CEP43: variants seen among roughly 807,000 people sequenced by gnomAD.
CEP43 encodes the protein centrosomal protein 43.
In CEP43, 36 loss-of-function variants were observed where a neutral mutation model predicts 52.6. The observed-to-expected ratio is 0.68, with a 90% CI of 0.52 to 0.90. The LOEUF is 0.90. Ranked by LOEUF, CEP43 falls within the 40% of genes least tolerant of loss-of-function variation. The pLI is 0.00. For synonymous variants in CEP43, 192 were observed against 172.4 expected (o/e 1.11, Z -0.89); for missense variants, 506 against 472.8 (o/e 1.07, Z -0.65).
In CEP43 at chr6:167,048,042, A is replaced by G. The variant is rs1401423535; in HGVS notation, c.*8064A>G. The G allele has an allele frequency of 1.3e-5, 2 of 152,218 alleles. No individual in the cohort carries two copies. Among genetic ancestry groups the G allele is most frequent in the Non-Finnish European group, 2.9e-5 (2 of 68,040 alleles). 9.4% of individuals were successfully genotyped at this position (152,218 alleles called of 1,614,324 possible). A position where few individuals can be genotyped will look rare whatever the true frequency, so the allele number is the denominator to read the frequency against. On this transcript the variant is annotated 3_prime_UTR_variant, in exon 13 of 13. Coordinates refer to ENST00000366847, the MANE Select transcript of CEP43 (RefSeq NM_007045.4). ...AGCATCTTTATTTAGCTCTGCTTTT[A>G]GATATCTGCATGATAAAGATGAGTG...
At chr6:167,024,718 C>T in intron 8 of CEP43, 64 bp from the exon 9 acceptor site, 2 of 1,074,222 alleles carry the variant, frequency 1.9e-6, no homozygotes, top group Non-Finnish European at 1.4e-6. Flanking sequence ...GTTTCTGTGG[C>T]AGAATAAAAG....
Position 166,999,420 on chromosome 6 carries a change from C to T in CEP43, c.8C>T (p.Ala3Val), listed in dbSNP as rs1779670932. 5 of 1,472,972 alleles carry T rather than the reference C, an allele frequency of 3.4e-6. No homozygotes were observed. Among genetic ancestry groups the T allele is most frequent in the Admixed American group, 4.8e-5 (2 of 41,250 alleles). 91.2% of individuals were successfully genotyped at this position (1,472,972 alleles called of 1,614,324 possible). MA[A>V]TAAAVVAEED... Reference sequence around the variant, plus strand: ...TTGTCTTGGAGAAGCAAGATGGCGGCGACGGCGGCCGCAGTGGTGGCCGAG... The same window carrying T: ...TTGTCTTGGAGAAGCAAGATGGCGGTGACGGCGGCCGCAGTGGTGGCCGAG... The change falls in exon 1 of 13, where the codon GCG becomes GTG. Residue 3 changes from alanine to valine, a missense_variant. Ala to Val is a moderately conservative substitution (Grantham distance 64). Coordinates refer to ENST00000366847, the MANE Select transcript of CEP43 (RefSeq NM_007045.4).
chr6:166,999,480 C>A lies in CEP43; in HGVS notation c.68C>A (p.Thr23Lys). ...GAGCTGCGGGACCTGCTGGTGCAGA[C>A]GCTGGAGAACAGCGGGGTCCTGAAC... ...DTELRDLLVQTLENSGVLNRI... is the reference protein window; with the variant it reads ...DTELRDLLVQKLENSGVLNRI... The change falls in exon 1 of 13, where the codon ACG becomes AAG. Residue 23 changes from threonine (T) to lysine (K), a missense_variant. Physicochemically the swap from Thr to Lys is moderately conservative, Grantham distance 78. Transcript: ENST00000366847. 1 of 1,483,694 alleles carries A rather than the reference C, an allele frequency of 6.7e-7. No homozygotes were observed. Among genetic ancestry groups the A allele is most frequent in the Non-Finnish European group, 9.0e-7 (1 of 1,114,936 alleles). The allele number at this position is 1,483,694 out of a possible 1,614,324, so 91.9% of individuals were successfully genotyped here. A position where few individuals can be genotyped will look rare whatever the true frequency, so the allele number is the denominator to read the frequency against.
chr6:167,031,442 A>G (rs911232504), intron 10 of CEP43, among the ~76,000 whole-genome samples: 1 of 152,228 alleles, frequency 6.6e-6, no homozygotes, highest in Non-Finnish European at 1.5e-5. Flanking sequence ...ATACCATCTT[A>G]GTCATTGCTA....
rs1266457199 is a variant in CEP43, at chr6:167,050,372, T to C, written c.*10394T>C. 1 of 152,306 alleles carries C rather than the reference T, an allele frequency of 6.6e-6. No individual in the cohort carries two copies. Among genetic ancestry groups the C allele is most frequent in the East Asian group, 1.9e-4 (1 of 5,202 alleles). 9.4% of individuals were successfully genotyped at this position (152,306 alleles called of 1,614,324 possible). ...TTACCAAGCTGCGGCTATTTCTTCATAGCAGTGTGAGAACGGACTAATACA... is the reference window on the plus strand; with the variant it reads ...TTACCAAGCTGCGGCTATTTCTTCACAGCAGTGTGAGAACGGACTAATACA... On this transcript the variant is annotated 3_prime_UTR_variant, in exon 13 of 13. Coordinates refer to ENST00000366847, the MANE Select transcript of CEP43 (RefSeq NM_007045.4).
At chr6:167,034,016 C>A in intron 12 of CEP43, 45 bp downstream of exon 12, 6 of 866,652 alleles carry the variant, frequency 6.9e-6, no homozygotes, top group Non-Finnish European at 9.0e-6. Flanking sequence ...TTTTTTTAAC[C>A]TATTTGTCGA....
intron 9 of CEP43, among the ~76,000 whole-genome samples, chr6:167,025,524 G>A (rs1029114496): frequency 1.3e-4 from 20 of 152,200 alleles, no homozygotes; most frequent in African/African-American, 4.8e-4. Context: ...TTTAATTAGC[G>A]TAGTGTTTCA....
At chr6:167,016,990 A>AT (rs60484474) in intron 7 of CEP43, among the ~76,000 whole-genome samples, 24 of 148,662 alleles carry the variant, frequency 1.6e-4, no homozygotes, top group Admixed American at 6.0e-4. Context: ...TTATTTATTT[A>AT]TTTTTTTTTT....
intron 7 of CEP43, 97 bp downstream of exon 7, chr6:167,013,664 C>A: frequency 1.0e-6 from 1 of 955,570 alleles, no homozygotes; most frequent in Non-Finnish European, 1.6e-6. Context: ...AGATTGGGTT[C>A]TCAGTTTTCT....
At chr6:167,021,964 C>T (rs1330023077) in intron 7 of CEP43, among the ~76,000 whole-genome samples, 1 of 152,188 alleles carries the variant, frequency 6.6e-6, no homozygotes, top group East Asian at 1.9e-4. Context: ...TTTCTTTTCT[C>T]CTTTAATAAT....
rs71032898 is a variant in CEP43, at chr6:167,043,375, CT to C, written c.*3419del. The C allele has an allele frequency of 0.45, 38,716 of 86,294 alleles. 7,273 individuals carry two copies. Among genetic ancestry groups the C allele is most frequent in the East Asian group, 0.54 (1,573 of 2,934 alleles). The allele number at this position is 86,294 out of a possible 1,614,324, so 5.3% of individuals were successfully genotyped here. The stretch of plus-strand genomic sequence containing the variant: ...TCCGTGCTCCCAGTGTCCCTGTCCT[CT>C]TTTTTTTTTTTTTTTTTTTTTGAGG... On this transcript the variant is annotated 3_prime_UTR_variant, in exon 13 of 13. Transcript: ENST00000366847.
intron 7 of CEP43, 106 bp from the exon 8 acceptor site, chr6:167,022,292 ACACAAAGGTTG>A: frequency 3.0e-6 from 2 of 672,344 alleles, no homozygotes; most frequent in Non-Finnish European, 5.0e-6. Flanking sequence ...ACACACACAC[ACACAAAGGTTG>A]CACACACACA....
chr6:167,006,979 C>T (rs1779869363), intron 5 of CEP43, among the ~76,000 whole-genome samples: 1 of 152,302 alleles, frequency 6.6e-6, no homozygotes, highest in East Asian at 1.9e-4. Context: ...CCACCTTACT[C>T]CCCGCAAATA....
chr6:167,017,299 AT>A (rs1222761651), intron 7 of CEP43, among the ~76,000 whole-genome samples: 1 of 152,160 alleles, frequency 6.6e-6, no homozygotes, highest in Admixed American at 6.5e-5. Flanking sequence ...CTGGCCAATA[AT>A]GATACAAATT....
rs1251495733 is a variant in CEP43, at chr6:167,042,120, A to G, written c.*2142A>G. ...GCGTGAACCACCGCACCTGGCCAGTACTACATCCATTTTATTGAATGATTT... is the reference window on the plus strand; with the variant it reads ...GCGTGAACCACCGCACCTGGCCAGTGCTACATCCATTTTATTGAATGATTT... On this transcript the variant is annotated 3_prime_UTR_variant, in exon 13 of 13. Transcript: ENST00000366847. 3.0e-6 allele frequency: 3 copies of G among 1,008,374 alleles called. No individual in the cohort carries two copies. The highest frequency in any genetic ancestry group is 7.2e-5 in the East Asian group (1 of 13,934). 62.5% of individuals were successfully genotyped at this position (1,008,374 alleles called of 1,614,324 possible).
chr6:167,033,750 T>C (rs1780523604), intron 11 of CEP43, 125 bp from the exon 12 acceptor site: 2 of 463,120 alleles, frequency 4.3e-6, no homozygotes, highest in African/African-American at 2.0e-5. Context: ...TGTATGAAAT[T>C]AATTATAGTT....
intron 12 of CEP43, among the ~76,000 whole-genome samples, chr6:167,035,278 A>G (rs1269454534): frequency 2.0e-5 from 3 of 152,230 alleles, no homozygotes; most frequent in South Asian, 4.1e-4. Context: ...AGCATTTTCT[A>G]AAGCCTTCTG....
intron 9 of CEP43, among the ~76,000 whole-genome samples, chr6:167,026,278 G>A (rs542910723): frequency 5.3e-4 from 80 of 152,324 alleles, no homozygotes; most frequent in Non-Finnish European, 8.7e-4. Context: ...CGGGAGAATC[G>A]CTTGAACCCA....
At position 167,041,379 on chromosome 6, in the gene CEP43, G is replaced by A. The variant is rs976327285; in HGVS notation, c.*1401G>A. ...GAGGAAGTAGGACATAAACTGGGCC[G>A]GTACAGCCTGGGAGCCCTGTGTATT... On this transcript the variant is annotated 3_prime_UTR_variant, in exon 13 of 13. Transcript: ENST00000366847. The A allele has an allele frequency of 3.6e-5, 38 of 1,060,270 alleles. No homozygotes were observed. The highest frequency in any genetic ancestry group is 1.6e-4 in the African/African-American group (10 of 60,774). The allele number at this position is 1,060,270 out of a possible 1,614,324, so 65.7% of individuals were successfully genotyped here.
Sources: allele counts gnomAD v4.1 joint callset (sites outside exome capture counted in the v4.1 genomes callset), GRCh38; gene constraint gnomAD v4.1.1; transcripts MANE v1.5; gene names NCBI Gene and HGNC (gene_info 2026-07-23, HGNC 2026-07-21).